ARHGEF12: variants seen among roughly 807,000 people sequenced by gnomAD.
ARHGEF12 encodes the protein KMT2A/ARHGEF12 fusion protein.
In ARHGEF12, 66 loss-of-function variants were observed where a neutral mutation model predicts 211.2. The observed-to-expected ratio is 0.31, with a 90% CI of 0.26 to 0.38. The LOEUF (loss-of-function observed/expected upper bound fraction) is 0.38. Ranked by LOEUF, ARHGEF12 falls within the 10% of genes least tolerant of loss-of-function variation. The pLI is 1.00. For missense variants in ARHGEF12, 1,429 were observed against 1,869.5 expected, an observed-to-expected ratio of 0.76 and a Z score of 4.34; for synonymous variants, 592 against 638.4, an observed-to-expected ratio of 0.93 and a Z score of 1.09.
chr11:120,343,250 T>A (rs1395311304), intron 1 of ARHGEF12, among the ~76,000 whole-genome samples: 1 of 152,256 alleles, frequency 6.6e-6, no homozygotes, highest in Admixed American at 6.5e-5. Context: ...ACTATTTTAG[T>A]TTCAAATTAT....
rs750758334 is a variant in ARHGEF12, at chr11:120,480,101, T to C, written c.3908T>C (p.Ile1303Thr). The C allele has an allele frequency of 6.2e-7, 1 of 1,614,218 alleles. No homozygotes were observed. The highest frequency in any genetic ancestry group is 8.5e-7 in the Non-Finnish European group (1 of 1,180,032). Residue 1303 changes from isoleucine (I) to threonine (T), a missense_variant, in exon 38 of 41, where the codon ATT becomes ACT. Coordinates refer to ENST00000397843, the MANE Select transcript of ARHGEF12 (RefSeq NM_015313.3). The part of the protein sequence containing the change: ...TDSVIQNSEN[I>T]KAYHSGEGHM... ...AGTGTCATCCAGAACTCTGAAAATA[T>C]TAAGGCCTATCATTCTGGTGAAGGA...
At chr11:120,347,128 TTTCTTTCC>T (rs1284978197) in intron 1 of ARHGEF12, among the ~76,000 whole-genome samples, 33 of 137,348 alleles carry the variant, frequency 2.4e-4, no homozygotes, top group East Asian at 4.4e-4. Flanking sequence ...CCTTTCTTTC[TTTCTTTCC>T]TTCCTTCCTT....
intron 36 of ARHGEF12, 118 bp downstream of exon 36, chr11:120,477,644 C>T (rs988938473): frequency 3.4e-6 from 3 of 877,176 alleles, no homozygotes; most frequent in African/African-American, 3.4e-5. Flanking sequence ...ATAGGCGTAT[C>T]ACCTGAGGCC....
rs17123960 is a variant in ARHGEF12 at position 120,475,610 on chromosome 11, T to G, written c.3277+103T>G. 2.4e-3 allele frequency: 2,907 copies of G among 1,221,592 alleles called. 40 individuals are homozygous for G. The African/African-American group carries it at 0.039, about 17-fold the overall frequency. 75.7% of individuals were successfully genotyped at this position (1,221,592 alleles called of 1,614,324 possible). On this transcript the variant is annotated intron_variant, in intron 33 of 40. Coordinates refer to ENST00000397843, the MANE Select transcript of ARHGEF12 (RefSeq NM_015313.3). ...ACACAAGTGGCATAGAGTCTTGCTATTTTTATATTCTTAAGCAAATTACAT... is the reference window on the plus strand; with the variant it reads ...ACACAAGTGGCATAGAGTCTTGCTAGTTTTATATTCTTAAGCAAATTACAT...
intron 1 of ARHGEF12, among the ~76,000 whole-genome samples, chr11:120,350,596 C>T (rs1055932956): frequency 4.0e-5 from 6 of 150,954 alleles, no homozygotes; most frequent in Non-Finnish European, 7.4e-5. Context: ...GATCTTATTT[C>T]CAAATTTTAA....
chr11:120,392,537 C>T (rs769404489), intron 1 of ARHGEF12, among the ~76,000 whole-genome samples: 5 of 152,020 alleles, frequency 3.3e-5, no homozygotes, highest in Non-Finnish European at 5.9e-5. Context: ...CTGCCTGTAA[C>T]GGAAAACACA....
Position 120,489,487 on chromosome 11 carries a change from T to C in ARHGEF12, c.*4410T>C. ...ATGAAGCATATGCCTCTATTTTTCC[T>C]GTCCCCAGTGCTGGGCTTCTTCACA... On this transcript the variant is annotated 3_prime_UTR_variant, in exon 41 of 41. Transcript: ENST00000397843. The C allele has an allele frequency of 4.5e-6, 1 of 223,148 alleles. No individual in the cohort carries two copies. Among genetic ancestry groups the C allele is most frequent in the South Asian group, 1.8e-4 (1 of 5,448 alleles). 13.8% of individuals were successfully genotyped at this position (223,148 alleles called of 1,614,324 possible).
At chr11:120,349,817 C>T (rs955210771) in intron 1 of ARHGEF12, among the ~76,000 whole-genome samples, 1 of 152,146 alleles carries the variant, frequency 6.6e-6, no homozygotes, top group Non-Finnish European at 1.5e-5. Context: ...CTTTTTGAAT[C>T]CATATGTATT....
intron 1 of ARHGEF12, among the ~76,000 whole-genome samples, chr11:120,338,373 A>G (rs1000329334): frequency 6.6e-6 from 1 of 152,222 alleles, no homozygotes; most frequent in African/African-American, 2.4e-5. Flanking sequence ...TTGATTTTAA[A>G]AGGGCCAAAT....
chr11:120,427,024 G>A (rs1945365727), intron 7 of ARHGEF12, among the ~76,000 whole-genome samples: 1 of 152,000 alleles, frequency 6.6e-6, no homozygotes, highest in African/African-American at 2.4e-5. Flanking sequence ...CTACAGGCAT[G>A]TGCCACCACG....
chr11:120,473,452 G>A (rs893842188), intron 31 of ARHGEF12, among the ~76,000 whole-genome samples: 3 of 152,182 alleles, frequency 2.0e-5, no homozygotes, highest in Non-Finnish European at 4.4e-5. Context: ...GCCCAGGCTG[G>A]AATGCAGTGG....
At chr11:120,356,038 C>G (rs1182688481) in intron 1 of ARHGEF12, among the ~76,000 whole-genome samples, 1 of 152,144 alleles carries the variant, frequency 6.6e-6, no homozygotes, top group East Asian at 1.9e-4. Context: ...GGAAAAATGG[C>G]CTAATCCATT....
chr11:120,343,343 T>C (rs1015463829), intron 1 of ARHGEF12, among the ~76,000 whole-genome samples: 7 of 152,194 alleles, frequency 4.6e-5, no homozygotes, highest in Admixed American at 1.3e-4. Context: ...ACATGCCAAA[T>C]TTAGAGCATT....
intron 5 of ARHGEF12, among the ~76,000 whole-genome samples, chr11:120,421,430 T>TTTTTTTTTTG (rs1945183478): frequency 1.2e-5 from 1 of 81,902 alleles, no homozygotes; most frequent in Non-Finnish European, 2.8e-5. Flanking sequence ...TACAGCCTTG[T>TTTTTTTTTTG]TTTTTTTTTT....
Position 120,451,692 on chromosome 11 carries a change from T to C in ARHGEF12, c.2024T>C (p.Phe675Ser). The C allele has an allele frequency of 6.2e-7, 1 of 1,614,076 alleles. No individual in the cohort carries two copies. The highest frequency in any genetic ancestry group is 8.5e-7 in the Non-Finnish European group (1 of 1,179,978). The change falls in exon 22 of 41, where the codon TTT (phenylalanine) becomes TCT (serine). Residue 675 changes from phenylalanine to serine, a missense_variant. Phe to Ser is a radical substitution (Grantham distance 155, BLOSUM62 -2). This residue lies in a region of ARHGEF12 where 373 missense variants were observed against 467.5 expected (regional missense o/e 0.80). Coordinates refer to ENST00000397843, the MANE Select transcript of ARHGEF12 (RefSeq NM_015313.3). ...TCTTCTGTAGCTTCAGGGGCCTCTT[T>C]TTCCCAGGAAGGAGGGAAAGAGAAT... ...SMSSVASGAS[F>S]SQEGGKENDT...
intron 1 of ARHGEF12, among the ~76,000 whole-genome samples, chr11:120,397,718 C>T (rs890427221): frequency 8.5e-5 from 13 of 152,160 alleles, no homozygotes; most frequent in African/African-American, 2.4e-4. Context: ...TACACACTCC[C>T]GCTCTGTGAG....
intron 2 of ARHGEF12, among the ~76,000 whole-genome samples, chr11:120,406,704 G>A (rs1015738512): frequency 2.6e-5 from 4 of 151,996 alleles, no homozygotes; most frequent in African/African-American, 7.3e-5. Flanking sequence ...GACTACAGGC[G>A]CCCGCCACCA....
At position 120,457,775 on chromosome 11, in the gene ARHGEF12, G is replaced by A. The variant is rs751308237; in HGVS notation, c.2225+19G>A. 8.1e-6 allele frequency: 13 copies of A among 1,605,874 alleles called. No homozygotes were observed. Among genetic ancestry groups the A allele is most frequent in the Non-Finnish European group, 1.1e-5 (13 of 1,176,492 alleles). ...TTCGAAAGTAAGTAAATCTTAAGCA[G>A]CTTTCAATAAAGGCGCATTTTAAGA... On this transcript the variant is annotated intron_variant, in intron 24 of 40. Coordinates refer to ENST00000397843, the MANE Select transcript of ARHGEF12 (RefSeq NM_015313.3).
intron 1 of ARHGEF12, among the ~76,000 whole-genome samples, chr11:120,399,343 A>AG (rs1383830094): frequency 6.8e-6 from 1 of 147,718 alleles, no homozygotes; most frequent in African/African-American, 2.5e-5. Flanking sequence ...AAAAAAAAAA[A>AG]AAAAAAAAGA....
Sources: gnomAD v4.1 joint callset for allele counts (sites outside exome capture counted in the v4.1 genomes callset) on GRCh38, gnomAD v4.1.1 for gene constraint, gnomAD v4.1.1 regional missense constraint, MANE v1.5 for transcripts, NCBI Gene and HGNC (gene_info 2026-07-23, HGNC 2026-07-21) for gene names.